The following PEAK1 variants were observed in gnomAD, a reference collection of about 807,000 sequenced individuals.
PEAK1 encodes pseudopodium enriched atypical kinase 1.
Under a neutral mutation model 124.7 loss-of-function variants are expected in PEAK1, and 54 were observed. The observed-to-expected ratio is 0.43, with a 90% CI of 0.35 to 0.54. The LOEUF is 0.54. Among genes scored for constraint, PEAK1 ranks in the 20% least tolerant of loss-of-function variants. The pLI, the probability that PEAK1 is intolerant of heterozygous loss-of-function variation, is 0.01. For missense variants in PEAK1, 2,046 were observed against 2,134.5 expected (o/e 0.96, Z 0.82); for synonymous variants, 719 against 760.0 (o/e 0.95, Z 0.89).
intron 4 of PEAK1, among the ~76,000 whole-genome samples, chr15:77,284,628 A>G: frequency 6.6e-6 from 1 of 152,192 alleles, no homozygotes; most frequent in East Asian, 1.9e-4. Flanking sequence ...GCTTGTTAAG[A>G]TGGAAATATT....
intron 2 of PEAK1, among the ~76,000 whole-genome samples, chr15:77,321,407 C>G (rs1033599684): frequency 6.6e-6 from 1 of 152,150 alleles, no homozygotes; most frequent in African/African-American, 2.4e-5. Context: ...TCTCTGATGG[C>G]CAGTGATGAT....
At chr15:77,162,943 G>A (rs2055789147) in intron 7 of PEAK1, among the ~76,000 whole-genome samples, 1 of 152,100 alleles carries the variant, frequency 6.6e-6, no homozygotes, top group Non-Finnish European at 1.5e-5. Flanking sequence ...AGTACAATTT[G>A]ATATTGATTA....
intron 9 of PEAK1, among the ~76,000 whole-genome samples, chr15:77,116,708 CTAT>C (rs2051413086): frequency 4.0e-5 from 2 of 50,036 alleles, no homozygotes; most frequent in Non-Finnish European, 9.5e-5. Context: ...ATCAATCTAT[CTAT>C]CTATCTATCT....
At chr15:77,392,166 G>T (rs2070519373) in intron 1 of PEAK1, among the ~76,000 whole-genome samples, 1 of 152,250 alleles carries the variant, frequency 6.6e-6, no homozygotes, top group East Asian at 1.9e-4. Context: ...CACAAAGAAG[G>T]CATGCAGAAA....
At chr15:77,246,401 G>A (rs986239367) in intron 6 of PEAK1, among the ~76,000 whole-genome samples, 2 of 151,136 alleles carry the variant, frequency 1.3e-5, no homozygotes, top group African/African-American at 4.9e-5. Flanking sequence ...GCTCATGCCT[G>A]TAATCCCAGC....
At chr15:77,119,604 T>C (rs558864493) in intron 9 of PEAK1, among the ~76,000 whole-genome samples, 6 of 152,170 alleles carry the variant, frequency 3.9e-5, no homozygotes, top group Non-Finnish European at 8.8e-5. Context: ...TCCAGAATCA[T>C]AGCCAAATTA....
At chr15:77,105,618 TC>T (rs925240278), downstream of PEAK1, 1 of 152,160 alleles carries the variant, frequency 6.6e-6, no homozygotes, top group Non-Finnish European at 1.5e-5. Context: ...TGAAGTTCTT[TC>T]CCTTGTAGAA....
chr15:77,114,002 G>T lies in PEAK1; in HGVS notation c.*154C>A. ...AGCTTCTCATTCAATCTGGGGCAGT[G>T]GATAACCTTTCTGAATAGACCCACT... is the stretch of plus-strand genomic sequence containing the variant. On this transcript the variant is annotated 3_prime_UTR_variant, in exon 10 of 10. Coordinates refer to ENST00000682557, the MANE Select transcript of PEAK1 (RefSeq NM_001385026.1). The T allele has an allele frequency of 1.3e-6, 1 of 764,156 alleles. No individual in the cohort carries two copies. Among genetic ancestry groups the T allele is most frequent in the Non-Finnish European group, 2.1e-6 (1 of 471,682 alleles). The allele number at this position is 764,156 out of a possible 1,614,324, so 47.3% of individuals were successfully genotyped here.
chr15:77,239,806 C>T (rs982672258), intron 6 of PEAK1: 2 of 980,812 alleles, frequency 2.0e-6, no homozygotes, highest in Non-Finnish European at 2.4e-6. Flanking sequence ...TAACATTCTT[C>T]TTTCAATGCA....
At chr15:77,278,832 GTTTTTTTTTT>G (rs34583265) in intron 5 of PEAK1, 1 of 212,908 alleles carries the variant, frequency 4.7e-6, no homozygotes, top group Non-Finnish European at 8.7e-6. Context: ...AATTTTGTGG[GTTTTTTTTTT>G]TTTTTTTTGA....
intron 2 of PEAK1, chr15:77,332,400 T>G: frequency 3.1e-6 from 1 of 324,592 alleles, no homozygotes; most frequent in Non-Finnish European, 4.4e-6. Context: ...GAGATTGAGA[T>G]CATCCTGGCT....
intron 1 of PEAK1, among the ~76,000 whole-genome samples, chr15:77,378,124 C>T (rs2069175976): frequency 6.6e-6 from 1 of 151,142 alleles, no homozygotes; most frequent in Admixed American, 6.6e-5. Context: ...GAAAACTATG[C>T]CTGACTATCA....
At chr15:77,281,797 A>G (rs1416433524) in intron 5 of PEAK1, among the ~76,000 whole-genome samples, 1 of 152,198 alleles carries the variant, frequency 6.6e-6, no homozygotes, top group African/African-American at 2.4e-5. Context: ...GAATATTTAT[A>G]CTTACTTGGT....
At chr15:77,245,937 G>C (rs1238569227) in intron 6 of PEAK1, among the ~76,000 whole-genome samples, 1 of 151,704 alleles carries the variant, frequency 6.6e-6, no homozygotes, top group Non-Finnish European at 1.5e-5. Flanking sequence ...ATTGTTTTTG[G>C]CTTTCTAGTT....
intron 1 of PEAK1, among the ~76,000 whole-genome samples, chr15:77,373,356 C>T (rs1230678503): frequency 6.6e-6 from 1 of 152,146 alleles, no homozygotes; most frequent in Non-Finnish European, 1.5e-5. Flanking sequence ...CGTTTATATA[C>T]TTACATAAGT....
Position 77,286,491 on chromosome 15 carries a change from C to T in PEAK1, c.-589G>A. 8.1e-7 allele frequency: 1 copy of T among 1,227,852 alleles called. No homozygotes were observed. The highest frequency in any genetic ancestry group is 4.1e-5 in the South Asian group (1 of 24,242). The allele number at this position is 1,227,852 out of a possible 1,614,324, so 76.1% of individuals were successfully genotyped here. A position where few individuals can be genotyped will look rare whatever the true frequency, so the allele number is the denominator to read the frequency against. The stretch of plus-strand genomic sequence containing the variant: ...CTTTTCTTTCCTTACAAATGGATCT[C>T]AAGTATTCTTTTCCTATTAGAAGAT... On this transcript the variant is annotated 5_prime_UTR_variant, in exon 3 of 10. Transcript: ENST00000682557.
intron 2 of PEAK1, among the ~76,000 whole-genome samples, chr15:77,317,379 T>C (rs12914815): frequency 7.2e-4 from 109 of 152,222 alleles, no homozygotes; most frequent in Non-Finnish European, 1.3e-3. Flanking sequence ...CAACTTGTTA[T>C]TATCAATCTC....
chr15:77,367,248 G>C (rs1163028569), intron 1 of PEAK1, among the ~76,000 whole-genome samples: 1 of 152,198 alleles, frequency 6.6e-6, no homozygotes, highest in African/African-American at 2.4e-5. Context: ...AAGAAACTGT[G>C]TAAAGGGCAT....
chr15:77,129,599 C>CT (rs148499293), intron 9 of PEAK1, among the ~76,000 whole-genome samples: 29,892 of 129,148 alleles, frequency 0.23, 3,479 homozygotes, highest in Middle Eastern at 0.33. Flanking sequence ...CAATGACTGG[C>CT]TATTTTTTTT....
Sources: gnomAD v4.1 joint callset for allele counts (sites outside exome capture counted in the v4.1 genomes callset) on GRCh38, gnomAD v4.1.1 for gene constraint, MANE v1.5 for transcripts, NCBI Gene and HGNC (gene_info 2026-07-23, HGNC 2026-07-21) for gene names.